Variants in DDC observed in about 807,000 individuals in gnomAD.
DDC encodes dopa decarboxylase, also known as aromatic-L-amino-acid decarboxylase.
In DDC, 43 loss-of-function variants were observed where a neutral mutation model predicts 60.0. That is an observed-to-expected ratio of 0.72 (90% confidence interval 0.56 to 0.92). The LOEUF (loss-of-function observed/expected upper bound fraction) is 0.92, where lower values mean the gene tolerates loss of function less well. Among genes scored for constraint, DDC ranks in the 40% least tolerant of loss-of-function variants. The probability of loss-of-function intolerance (pLI) is 0.00; values close to 1 mark genes in which losing one functional copy is unlikely to be tolerated. For synonymous variants in DDC, 232 were observed against 234.6 expected (o/e 0.99, Z 0.10); for missense variants, 573 against 620.2 (o/e 0.92, Z 0.81).
chr7:50,502,628 C>T (rs147330368), intron 7 of DDC, among the ~76,000 whole-genome samples: 143 of 152,308 alleles, frequency 9.4e-4, no homozygotes, highest in African/African-American at 3.3e-3. Flanking sequence ...GACCACTTCC[C>T]GCCAGTTGTT....
chr7:50,529,733 C>T (rs911608094), intron 4 of DDC, among the ~76,000 whole-genome samples: 4 of 152,162 alleles, frequency 2.6e-5, no homozygotes, highest in African/African-American at 9.7e-5. Context: ...CATATTCACT[C>T]GGACAGAGCG....
chr7:50,480,930 G>A (rs538351242), intron 9 of DDC, among the ~76,000 whole-genome samples: 1 of 152,214 alleles, frequency 6.6e-6, no homozygotes, highest in African/African-American at 2.4e-5. Context: ...CACTGGGCTG[G>A]CCTTTGAAGG....
intron 9 of DDC, among the ~76,000 whole-genome samples, chr7:50,488,461 G>A (rs1454641323): frequency 6.6e-6 from 1 of 151,778 alleles, no homozygotes; most frequent in African/African-American, 2.4e-5. Context: ...AGATTAAAAG[G>A]AAAACAATTT....
chr7:50,499,981 C>T (rs2122817), intron 7 of DDC, among the ~76,000 whole-genome samples: 14,459 of 152,178 alleles, frequency 0.095, 1,060 homozygotes, highest in South Asian at 0.12. Context: ...CCCATAGGCC[C>T]AAGGGATGAG....
chr7:50,533,109 G>T (rs1481848173), intron 4 of DDC, among the ~76,000 whole-genome samples: 1 of 151,992 alleles, frequency 6.6e-6, no homozygotes, highest in Non-Finnish European at 1.5e-5. Context: ...TTAAATAGTG[G>T]GAAATGCTCA....
intron 1 of DDC, 129 bp from the exon 2 acceptor site, chr7:50,544,242 A>G: frequency 1.4e-6 from 1 of 723,688 alleles, no homozygotes. Flanking sequence ...TTGGATCCCA[A>G]GTAAGGGGCG....
At chr7:50,564,057 G>A (rs536654215) in intron 1 of DDC, 1 of 152,258 alleles carries the variant, frequency 6.6e-6, no homozygotes, top group Admixed American at 6.5e-5. Flanking sequence ...GAAGCTCAGG[G>A]GTGGCACTGT....
intron 6 of DDC, among the ~76,000 whole-genome samples, chr7:50,512,265 C>CAAGAAAATGGTTA (rs1246253362): frequency 6.6e-6 from 1 of 151,860 alleles, no homozygotes; most frequent in East Asian, 1.9e-4. Context: ...CAAAGTGGAT[C>CAAGAAAATGGTTA]AAGAAAATTG....
intron 8 of DDC, among the ~76,000 whole-genome samples, chr7:50,497,849 A>G (rs1034873938): frequency 5.3e-5 from 8 of 152,184 alleles, no homozygotes; most frequent in Admixed American, 2.0e-4. Flanking sequence ...CCAGAATACT[A>G]CTTCATTGAT....
At chr7:50,466,176 G>A (rs1205950995) in intron 13 of DDC, among the ~76,000 whole-genome samples, 1 of 152,156 alleles carries the variant, frequency 6.6e-6, no homozygotes, top group Non-Finnish European at 1.5e-5. Context: ...TCCTGGAAAG[G>A]CTTGAAATGA....
At position 50,563,500 on chromosome 7, in the gene DDC, T is replaced by C. The variant is rs1645105314; in HGVS notation, c.-29+1785A>G. ...AAGATGGTGGATTTGTTGATTTCTC[T>C]CCATAGTTGAACCAAGATTTTCTTT... On this transcript the variant is annotated intron_variant, in intron 1 of 14. Coordinates refer to ENST00000444124, the MANE Select transcript of DDC (RefSeq NM_001082971.2). 3.3e-5 allele frequency among the ~76,000 whole-genome samples: 5 copies of C among 152,220 alleles called. No individual in the cohort carries two copies. The South Asian group carries it at 1.0e-3, about 31-fold the overall frequency.
intron 13 of DDC, among the ~76,000 whole-genome samples, chr7:50,466,510 A>C (rs1243234795): frequency 2.7e-5 from 4 of 150,704 alleles, no homozygotes; most frequent in South Asian, 2.1e-4. Context: ...AAAAAAAAAA[A>C]AAAAAAACCT....
intron 6 of DDC, among the ~76,000 whole-genome samples, chr7:50,525,729 A>T (rs928183005): frequency 1.3e-5 from 2 of 152,118 alleles, no homozygotes; most frequent in Non-Finnish European, 2.9e-5. Context: ...GCATCACTGC[A>T]CTCCAACCTG....
chr7:50,476,666 GA>G, intron 10 of DDC, 23 bp from the exon 11 acceptor site: 2 of 1,606,590 alleles, frequency 1.2e-6, no homozygotes, highest in Non-Finnish European at 1.7e-6. Context: ...GAAAGAAAAA[GA>G]AAAAAGAAAT....
intron 11 of DDC, among the ~76,000 whole-genome samples, chr7:50,472,255 T>C (rs1053754625): frequency 6.6e-6 from 1 of 152,204 alleles, no homozygotes; most frequent in African/African-American, 2.4e-5. Flanking sequence ...TGGCTTGGCA[T>C]GGCGCGGCCA....
chr7:50,498,016 G>A (rs558319371), intron 8 of DDC, among the ~76,000 whole-genome samples: 1 of 152,294 alleles, frequency 6.6e-6, no homozygotes, highest in African/African-American at 2.4e-5. Flanking sequence ...GCTGTCAAGG[G>A]AAAGTTTTTC....
In DDC at chr7:50,513,640, G is replaced by A. The variant is rs546997768; in HGVS notation, c.715-9581C>T. Among the ~76,000 whole-genome samples the A allele has an allele frequency of 8.1e-4, 123 of 152,252 alleles. 1 individual carries two copies. Among genetic ancestry groups the A allele is most frequent in the African/African-American group, 2.9e-3 (120 of 41,538 alleles). ...GACTTGGGGCTCTTGGCAGGGGCAC[G>A]GTGGGAGGGAGACAGGCCCTTCGGT... On this transcript the variant is annotated intron_variant, in intron 6 of 14. Coordinates refer to ENST00000444124, the MANE Select transcript of DDC (RefSeq NM_001082971.2).
chr7:50,503,950 A>G, intron 7 of DDC, 43 bp downstream of exon 7: 1 of 1,393,078 alleles, frequency 7.2e-7, no homozygotes, highest in Non-Finnish European at 1.0e-6. Context: ...TTCCCCGTGT[A>G]CAGAGAACAT....
chr7:50,536,850 T>C (rs1490769305), intron 4 of DDC, among the ~76,000 whole-genome samples: 5 of 152,258 alleles, frequency 3.3e-5, no homozygotes, highest in Non-Finnish European at 5.9e-5. Flanking sequence ...TGCCTCACTG[T>C]CCTCATCCAC....
Sources: gnomAD v4.1 joint callset for allele counts (sites outside exome capture counted in the v4.1 genomes callset) on GRCh38, gnomAD v4.1.1 for gene constraint, MANE v1.5 for transcripts, NCBI Gene and HGNC (gene_info 2026-07-23, HGNC 2026-07-21) for gene names.